PRICKLE2: variants seen among roughly 807,000 people sequenced by gnomAD.
The protein encoded by PRICKLE2 is prickle planar cell polarity protein 2.
A neutral mutation model predicts 81.4 loss-of-function variants in PRICKLE2; 21 were observed. The ratio of observed to expected loss-of-function variants is 0.26; its 90% CI spans 0.18 to 0.37. PRICKLE2 has a LOEUF of 0.37. Ranked by LOEUF, PRICKLE2 falls within the 10% of genes least tolerant of loss-of-function variation. PRICKLE2 has a pLI of 1.00. For synonymous variants in PRICKLE2, 456 were observed against 421.5 expected, an observed-to-expected ratio of 1.08 and a Z score of -1.00; for missense variants, 940 against 1,109.0, an observed-to-expected ratio of 0.85 and a Z score of 2.16.
intron 7 of PRICKLE2, among the ~76,000 whole-genome samples, chr3:64,114,772 G>A (rs2076909093): frequency 6.6e-6 from 1 of 152,158 alleles, no homozygotes; most frequent in South Asian, 2.1e-4. Flanking sequence ...AAGAGATGGG[G>A]AGAATGGAAC....
chr3:64,170,514 G>C (rs1447092144), intron 2 of PRICKLE2, among the ~76,000 whole-genome samples: 1 of 152,176 alleles, frequency 6.6e-6, no homozygotes, highest in Non-Finnish European at 1.5e-5. Context: ...CTATTCAGCA[G>C]CAATAACAAC....
At chr3:64,166,451 C>T (rs2077833979) in intron 2 of PRICKLE2, among the ~76,000 whole-genome samples, 1 of 152,102 alleles carries the variant, frequency 6.6e-6, no homozygotes, top group South Asian at 2.1e-4. Flanking sequence ...GTAAATAAGT[C>T]CCTTGGTGTG....
intron 2 of PRICKLE2, among the ~76,000 whole-genome samples, chr3:64,255,543 G>A (rs2079513576): frequency 6.6e-6 from 1 of 152,172 alleles, no homozygotes; most frequent in Admixed American, 6.5e-5. Flanking sequence ...CAGGGAGAGG[G>A]AGAGGAGAGC....
intron 2 of PRICKLE2, among the ~76,000 whole-genome samples, chr3:64,262,214 A>G (rs762668201): frequency 1.3e-5 from 2 of 152,006 alleles, no homozygotes; most frequent in Non-Finnish European, 2.9e-5. Flanking sequence ...ACCTGCTACA[A>G]TTTGGGCTAT....
At chr3:64,249,463 C>T (rs2079410833) in intron 2 of PRICKLE2, among the ~76,000 whole-genome samples, 1 of 152,178 alleles carries the variant, frequency 6.6e-6, no homozygotes, top group Non-Finnish European at 1.5e-5. Flanking sequence ...ATAGCTGCTA[C>T]AGTAACTGTA....
chr3:64,193,543 A>G lies in PRICKLE2; in HGVS notation c.144+5241T>C, dbSNP rs111238373. Among the ~76,000 whole-genome samples, 159 of 152,332 alleles carry G rather than the reference A, an allele frequency of 1.0e-3. 3 individuals carry two copies. Among genetic ancestry groups the G allele is most frequent in the African/African-American group, 3.7e-3 (154 of 41,574 alleles). On this transcript the variant is annotated intron_variant, in intron 2 of 7. Coordinates refer to ENST00000638394, the MANE Select transcript of PRICKLE2 (RefSeq NM_198859.4). ...TAAGGCCTAGAAAAGACAGCTCAAG[A>G]TAAGTGGAGAGCGTCATCACATTTT... is the stretch of plus-strand genomic sequence containing the variant.
chr3:64,247,829 G>A (rs2079380341), intron 2 of PRICKLE2, among the ~76,000 whole-genome samples: 1 of 152,136 alleles, frequency 6.6e-6, no homozygotes. Flanking sequence ...TTATAGCATG[G>A]AATTTCATTT....
chr3:64,213,600 T>A (rs2078827068), intron 1 of PRICKLE2, among the ~76,000 whole-genome samples: 2 of 152,184 alleles, frequency 1.3e-5, no homozygotes. Flanking sequence ...TACTACTGAA[T>A]GCTGGAGGTA....
At chr3:64,131,569 G>C (rs145901503) in intron 7 of PRICKLE2, among the ~76,000 whole-genome samples, 1 of 152,272 alleles carries the variant, frequency 6.6e-6, no homozygotes, top group East Asian at 1.9e-4. Flanking sequence ...AATCAGATTT[G>C]TATATTAGTT....
chr3:64,254,466 T>C (rs1308575097), intron 2 of PRICKLE2, among the ~76,000 whole-genome samples: 1 of 152,074 alleles, frequency 6.6e-6, no homozygotes, highest in African/African-American at 2.4e-5. Context: ...GGAGTATGGA[T>C]CAGCTGTTTT....
chr3:64,093,835 A>G lies in PRICKLE2; in HGVS notation c.*5216T>C, dbSNP rs943080034. On this transcript the variant is annotated 3_prime_UTR_variant, in exon 8 of 8. Coordinates refer to ENST00000638394, the MANE Select transcript of PRICKLE2 (RefSeq NM_198859.4). ...GGCAGAGACCACCCCTAAAATCTGG[A>G]AAGTGAGGGAGGGCTGAGAAGAATG... 3 of 152,230 alleles carry G rather than the reference A, an allele frequency of 2.0e-5. No homozygotes were observed. Among genetic ancestry groups the G allele is most frequent in the African/African-American group, 7.2e-5 (3 of 41,434 alleles). 9.4% of individuals were successfully genotyped at this position (152,230 alleles called of 1,614,324 possible). A position where few individuals can be genotyped will look rare whatever the true frequency, so the allele number is the denominator to read the frequency against.
intron 6 of PRICKLE2, among the ~76,000 whole-genome samples, chr3:64,150,144 C>T (rs548895709): frequency 6.6e-6 from 1 of 152,076 alleles, no homozygotes; most frequent in East Asian, 1.9e-4. Context: ...ATCACAGGGA[C>T]ATGGGACTCT....
rs866077404 is a variant in PRICKLE2 at position 64,212,595 on chromosome 3, T to C, written c.-41+12315A>G. 8.5e-5 allele frequency among the ~76,000 whole-genome samples: 13 copies of C among 152,294 alleles called. 1 individual carries two copies. In the East Asian group the frequency reaches 2.3e-3, roughly 27 times the overall value. ...ACTTATACAGACAAGATCTGAGGCA[T>C]AAAATATTCCCTAAGTACTTAAAGG... On this transcript the variant is annotated intron_variant, in intron 1 of 7. Transcript: ENST00000638394.
chr3:64,167,727 T>C (rs373557612), intron 2 of PRICKLE2, among the ~76,000 whole-genome samples: 1 of 152,228 alleles, frequency 6.6e-6, no homozygotes, highest in South Asian at 2.1e-4. Context: ...AGCTGATTTT[T>C]TTTTTATAAA....
Position 64,099,898 on chromosome 3 carries a change from C to T in PRICKLE2, c.1688G>A (p.Arg563His), listed in dbSNP as rs375448087. ...TGLSADGGAK[R>H]QEHLSRFSMP... ...GGAAAATCGGGATAGGTGCTCCTGG[C>T]GCTTGGCACCACCATCAGCAGAGAG... Residue 563 changes from arginine to histidine, a missense_variant, in exon 8 of 8, where the codon CGC becomes CAC. Around this residue, in one of 2 missense-constraint regions of PRICKLE2, gnomAD observed 670 missense variants for 717.2 expected, o/e 0.93. Coordinates refer to ENST00000638394, the MANE Select transcript of PRICKLE2 (RefSeq NM_198859.4). This position sits in a 1 kb window ranked among gnomAD's most constrained non-coding sequence, Gnocchi z 4.3. 3.6e-5 allele frequency: 58 copies of T among 1,614,150 alleles called. No homozygotes were observed. Among genetic ancestry groups the T allele is most frequent in the Admixed American group, 1.3e-4 (8 of 60,036 alleles).
chr3:64,118,222 A>G (rs1200524313), intron 7 of PRICKLE2, among the ~76,000 whole-genome samples: 2 of 152,208 alleles, frequency 1.3e-5, no homozygotes, highest in African/African-American at 4.8e-5. Context: ...CTTAACTGTA[A>G]AAACCTAAAC....
At chr3:64,243,880 G>A (rs2079306665) in intron 2 of PRICKLE2, among the ~76,000 whole-genome samples, 1 of 152,098 alleles carries the variant, frequency 6.6e-6, no homozygotes, top group African/African-American at 2.4e-5. Context: ...TGTTCTCAAT[G>A]CCCTGTCTCA....
chr3:64,160,033 C>A lies in PRICKLE2; in HGVS notation c.303G>T (p.Leu101=). The A allele has an allele frequency of 6.2e-7, 1 of 1,614,140 alleles. No homozygotes were observed. Among genetic ancestry groups the A allele is most frequent in the East Asian group, 2.2e-5 (1 of 44,872 alleles). The change falls in exon 4 of 8, where the codon CTG becomes CTT. Residue 101 remains leucine, a synonymous_variant. Transcript: ENST00000638394. ...GTTTCCTCTGGCTGCTGAAAAGCTT[C>A]AGCTCCCTCTTCTCTTCCTCATCCA... ...NSLDEEEKRE[L]KLFSSQRKRE... is the part of the protein sequence containing the mutation.
intron 1 of PRICKLE2, among the ~76,000 whole-genome samples, chr3:64,213,764 A>AG (rs77545155): frequency 0.18 from 27,769 of 152,024 alleles, 3,199 homozygotes; most frequent in East Asian, 0.41. Context: ...CGCTTTTCTT[A>AG]TTAATCCTCA....
Sources: allele counts gnomAD v4.1 joint callset (sites outside exome capture counted in the v4.1 genomes callset), GRCh38; gene constraint gnomAD v4.1.1; regional missense constraint gnomAD v4.1.1; non-coding constraint Gnocchi (gnomAD v3.1); transcripts MANE v1.5; gene names NCBI Gene and HGNC (gene_info 2026-07-23, HGNC 2026-07-21).